The following CFAP46 variants were observed in gnomAD, a reference collection of about 807,000 sequenced individuals.
CFAP46 encodes the protein cilia- and flagella-associated protein 46.
CFAP46 carries 245 observed loss-of-function variants against 325.7 expected under a neutral mutation model. The ratio of observed to expected loss-of-function variants is 0.75; its 90% CI spans 0.68 to 0.84. CFAP46 has a LOEUF of 0.84. CFAP46 is among the 40% of genes least tolerant of loss of function. The pLI is 0.00. For synonymous variants in CFAP46, 1,523 were observed against 1,495.9 expected (o/e 1.02, Z -0.42); for missense variants, 3,346 against 3,543.0 (o/e 0.94, Z 1.41).
chr10:132,885,410 G>T, intron 26 of CFAP46, 124 bp from the exon 27 acceptor site: 1 of 998,134 alleles, frequency 1.0e-6, no homozygotes, highest in Non-Finnish European at 1.4e-6. Context: ...GCAGAGCCCA[G>T]GTGAGCGGGG....
At chr10:132,920,264 G>C in intron 13 of CFAP46, 82 bp from the exon 14 acceptor site, 3 of 1,423,660 alleles carry the variant, frequency 2.1e-6, no homozygotes, top group Non-Finnish European at 2.8e-6. Context: ...AATGCCCTGC[G>C]CCGGCGCCGG....
rs11815293 is a variant in CFAP46, at chr10:132,889,561, C to T, written c.3304+2772G>A. On this transcript the variant is annotated intron_variant, in intron 25 of 57. Transcript: ENST00000368586. This position sits in a 1 kb window ranked among gnomAD's most constrained non-coding sequence, Gnocchi z 6.0. ...AACTTGGAAACCACACATAGGGTCG[C>T]AGGGAGTCCTCTTCAATCCTGCCTA... Among the ~76,000 whole-genome samples, 9,493 of 152,210 alleles carry T rather than the reference C, an allele frequency of 0.062. 719 individuals carry two copies. The highest frequency in any genetic ancestry group is 0.18 in the African/African-American group (7,336 of 41,480).
intron 19 of CFAP46, among the ~76,000 whole-genome samples, 196 bp downstream of exon 19, chr10:132,912,455 CTCTT>C (rs1564798331): frequency 8.0e-6 from 1 of 124,950 alleles, no homozygotes; most frequent in Admixed American, 8.9e-5. Context: ...CTCTCTCTCT[CTCTT>C]CACCTCTCTC....
At chr10:132,901,636 A>G (rs1313998486) in intron 22 of CFAP46, among the ~76,000 whole-genome samples, 1 of 152,148 alleles carries the variant, frequency 6.6e-6, no homozygotes, top group Non-Finnish European at 1.5e-5. Flanking sequence ...ATAGGATGCT[A>G]TTTTTGCTTT....
intron 57 of CFAP46, among the ~76,000 whole-genome samples, 154 bp downstream of exon 57, chr10:132,810,255 C>T (rs556360769): frequency 2.0e-5 from 3 of 152,340 alleles, no homozygotes; most frequent in East Asian, 3.9e-4. Flanking sequence ...CAAGCCCTCC[C>T]TCTTTCCGGC....
intron 39 of CFAP46, among the ~76,000 whole-genome samples, chr10:132,857,119 G>T (rs1208695977): frequency 6.6e-6 from 1 of 152,198 alleles, no homozygotes; most frequent in East Asian, 1.9e-4. Flanking sequence ...AACCCTTTTG[G>T]GTGGGTTCTT....
chr10:132,920,146 A>C lies in CFAP46; in HGVS notation c.1643T>G (p.Leu548Arg), dbSNP rs1300475576. 1.2e-5 allele frequency: 18 copies of C among 1,548,056 alleles called. No homozygotes were observed. The South Asian group carries it at 2.1e-4, about 18-fold the overall frequency. Residue 548 changes from leucine to arginine, a missense_variant, in exon 14 of 58, where the codon CTC becomes CGC. Physicochemically the swap from Leu to Arg is moderately radical, Grantham distance 102. Transcript: ENST00000368586. ...TGKNRGRFTY[L>R]CAKAWHHTVS... The stretch of plus-strand genomic sequence containing the variant: ...GGTGTGGTGCCACGCCTTCGCACAG[A>C]GGTAGGTGAACCGGCCCCTGTTCTT...
chr10:132,828,357 C>T lies in CFAP46; in HGVS notation c.7117+5001G>A, dbSNP rs1232488749. Among the ~76,000 whole-genome samples, 7 of 152,212 alleles carry T rather than the reference C, an allele frequency of 4.6e-5. No individual in the cohort carries two copies. Among genetic ancestry groups the T allele is most frequent in the Non-Finnish European group, 7.3e-5 (5 of 68,046 alleles). On this transcript the variant is annotated intron_variant, in intron 50 of 57. Transcript: ENST00000368586. This position sits in a 1 kb window ranked among gnomAD's most constrained non-coding sequence, Gnocchi z 4.9. ...GTTCCGGTTCCACACCCTCCCAACA[C>T]GCGCTCTGGTCGACTGTGTGAGTTT...
chr10:132,911,051 C>A (rs1849533640), intron 19 of CFAP46, among the ~76,000 whole-genome samples: 1 of 152,234 alleles, frequency 6.6e-6, no homozygotes, highest in East Asian at 1.9e-4. Context: ...AAGAGGGAAG[C>A]TCCTCTGCAC....
chr10:132,912,542 T>TCAC lies in CFAP46; in HGVS notation c.2499+112_2499+113insGTG, dbSNP rs1554883969. On this transcript the variant is annotated intron_variant, in intron 19 of 57. Transcript: ENST00000368586. Reference sequence around the variant, plus strand: ...CTCTCTCTTCACCTCTCTCCTCTCCTCTCTCTCTCTCTTCACCTCTCTCCT... The same window carrying TCAC: ...CTCTCTCTTCACCTCTCTCCTCTCCTCACCTCTCTCTCTCTTCACCTCTCTCCT... 15 of 302,370 alleles carry TCAC rather than the reference T, an allele frequency of 5.0e-5. No homozygotes were observed. The East Asian group carries it at 5.3e-4, about 11-fold the overall frequency. The allele number at this position is 302,370 out of a possible 1,614,324, so 18.7% of individuals were successfully genotyped here. A position where few individuals can be genotyped will look rare whatever the true frequency, so the allele number is the denominator to read the frequency against.
intron 11 of CFAP46, among the ~76,000 whole-genome samples, chr10:132,924,409 C>G (rs1389652710): frequency 2.0e-5 from 3 of 152,218 alleles, no homozygotes; most frequent in Admixed American, 1.3e-4. Flanking sequence ...GCCCCCCACT[C>G]CCGGCCTCTG....
chr10:132,814,694 T>G lies in CFAP46; in HGVS notation c.7241A>C (p.Asn2414Thr), dbSNP rs1480173978. ...PPDCIIVDSD[N>T]FKFVVDPYEE... ...GGCCCATCAAAGGATACACTTGAAG[T>G]TGTCTGAGTCGACTATGATGCAGTC... The change falls in exon 52 of 58, where the codon AAC (asparagine) becomes ACC (threonine). Residue 2414 changes from asparagine to threonine, a missense_variant. Transcript: ENST00000368586. 1 of 1,606,072 alleles carries G rather than the reference T, an allele frequency of 6.2e-7. No individual in the cohort carries two copies. The highest frequency in any genetic ancestry group is 2.2e-5 in the East Asian group (1 of 44,756).
chr10:132,834,145 C>A, intron 48 of CFAP46, 22 bp from the exon 49 acceptor site: 1 of 1,611,990 alleles, frequency 6.2e-7, no homozygotes, highest in South Asian at 1.1e-5. Context: ...GTTATATATT[C>A]GGGTTTAAGA....
chr10:132,858,976 G>C, intron 38 of CFAP46, 95 bp downstream of exon 38: 2 of 1,336,758 alleles, frequency 1.5e-6, no homozygotes, highest in Non-Finnish European at 2.0e-6. Flanking sequence ...GGGTGCAGCC[G>C]GGGTGAGCCA....
At chr10:132,831,827 G>C (rs548977739) in intron 50 of CFAP46, among the ~76,000 whole-genome samples, 1 of 151,658 alleles carries the variant, frequency 6.6e-6, no homozygotes, top group South Asian at 2.1e-4. Context: ...TGTTTTTTTG[G>C]ATTAAGGGTA....
intron 24 of CFAP46, among the ~76,000 whole-genome samples, chr10:132,894,071 G>A (rs1001070037): frequency 3.3e-5 from 5 of 151,254 alleles, no homozygotes; most frequent in Non-Finnish European, 5.9e-5. Flanking sequence ...AGGGTTCGCC[G>A]CTGGTAACAC....
chr10:132,862,353 C>A (rs1194363437), intron 35 of CFAP46, among the ~76,000 whole-genome samples: 2 of 150,918 alleles, frequency 1.3e-5, no homozygotes, highest in African/African-American at 4.9e-5. Context: ...GCAGGGGCTT[C>A]CACATGGAGA....
In CFAP46 at chr10:132,869,431, G is replaced by A. The variant is rs925584048; in HGVS notation, c.4512-59C>T. On this transcript the variant is annotated intron_variant, in intron 32 of 57. Transcript: ENST00000368586. This position sits in a 1 kb window ranked among gnomAD's most constrained non-coding sequence, Gnocchi z 6.2. Reference sequence around the variant, plus strand: ...CACGGGCGCAGAGGGAGCCAGAAACGAAGCTACTAGTGTGCTTCACAGAAA... The same window carrying A: ...CACGGGCGCAGAGGGAGCCAGAAACAAAGCTACTAGTGTGCTTCACAGAAA... The A allele has an allele frequency of 3.2e-5, 40 of 1,267,110 alleles. No homozygotes were observed. The highest frequency in any genetic ancestry group is 4.6e-5 in the Admixed American group (2 of 43,182). The allele number at this position is 1,267,110 out of a possible 1,614,324, so 78.5% of individuals were successfully genotyped here. A position where few individuals can be genotyped will look rare whatever the true frequency, so the allele number is the denominator to read the frequency against.
chr10:132,841,078 C>T lies in CFAP46; in HGVS notation c.6439-4164G>A, dbSNP rs541486581. On this transcript the variant is annotated intron_variant, in intron 44 of 57. Transcript: ENST00000368586. Reference sequence around the variant, plus strand: ...ATGAGTTTTGGAGGGAACATTCAAACCATAGCATTCTGCCCCCAAAACTCA... The same window carrying T: ...ATGAGTTTTGGAGGGAACATTCAAATCATAGCATTCTGCCCCCAAAACTCA... Among the ~76,000 whole-genome samples the T allele has an allele frequency of 1.1e-4, 16 of 152,262 alleles. No homozygotes were observed. In the South Asian group the frequency reaches 3.3e-3, roughly 32 times the overall value.
Sources: gnomAD v4.1 joint callset for allele counts (sites outside exome capture counted in the v4.1 genomes callset) on GRCh38, gnomAD v4.1.1 for gene constraint, Gnocchi (gnomAD v3.1) non-coding constraint, MANE v1.5 for transcripts, NCBI Gene and HGNC (gene_info 2026-07-23, HGNC 2026-07-21) for gene names.